Variants in GALNT13 observed in about 807,000 individuals in gnomAD.
GALNT13 encodes UDP-GalNAc:polypeptide N-acetylgalactosaminyltransferase 13.
GALNT13 carries 28 observed loss-of-function variants against 64.2 expected under a neutral mutation model. The ratio of observed to expected loss-of-function variants is 0.44; its 90% CI spans 0.32 to 0.60. The LOEUF is 0.60. GALNT13 is among the 20% of genes least tolerant of loss of function. The pLI is 0.05. For synonymous variants in GALNT13, 214 were observed against 224.6 expected (o/e 0.95, Z 0.42); for missense variants, 577 against 669.8 (o/e 0.86, Z 1.53).
chr2:153,907,211 A>ATGGTAG (rs933276564), intron 2 of GALNT13, among the ~76,000 whole-genome samples: 21 of 151,610 alleles, frequency 1.4e-4, no homozygotes, highest in African/African-American at 4.9e-4. Context: ...TTTCACTCTG[A>ATGGTAG]TGGTAGTTTC....
chr2:154,105,301 C>T (rs1046246371), intron 3 of GALNT13, among the ~76,000 whole-genome samples: 1 of 152,084 alleles, frequency 6.6e-6, no homozygotes, highest in Non-Finnish European at 1.5e-5. Context: ...TGAAAATAGT[C>T]ATGTACCACA....
At chr2:154,435,380 C>T (rs752979753) in intron 11 of GALNT13, among the ~76,000 whole-genome samples, 8 of 152,222 alleles carry the variant, frequency 5.3e-5, no homozygotes, top group Non-Finnish European at 7.4e-5. Context: ...AAGGTTTCAA[C>T]CACAGCAAGG....
intron 2 of GALNT13, among the ~76,000 whole-genome samples, chr2:153,941,217 A>G (rs1487751482): frequency 6.6e-6 from 1 of 152,192 alleles, no homozygotes; most frequent in East Asian, 1.9e-4. Flanking sequence ...GCTGGTCTTG[A>G]ACTTCTGACC....
intron 4 of GALNT13, among the ~76,000 whole-genome samples, chr2:154,179,854 G>T (rs1236334516): frequency 6.6e-6 from 1 of 151,438 alleles, no homozygotes; most frequent in Admixed American, 6.6e-5. Flanking sequence ...ATCTTAAAAG[G>T]AGTGTTTTCA....
chr2:154,147,686 A>G (rs1301205131), intron 4 of GALNT13, among the ~76,000 whole-genome samples: 1 of 151,928 alleles, frequency 6.6e-6, no homozygotes, highest in East Asian at 1.9e-4. Context: ...CATATATTCA[A>G]GTTTACCAAA....
intron 4 of GALNT13, among the ~76,000 whole-genome samples, chr2:154,213,351 A>T (rs1191866373): frequency 6.6e-6 from 1 of 152,150 alleles, no homozygotes; most frequent in Non-Finnish European, 1.5e-5. Context: ...AATTGCTGGG[A>T]TTACAAGTAT....
chr2:154,256,198 T>G (rs766650742), intron 7 of GALNT13, among the ~76,000 whole-genome samples: 4 of 152,032 alleles, frequency 2.6e-5, no homozygotes, highest in African/African-American at 9.7e-5. Flanking sequence ...TTTCCCAGTG[T>G]CTTAATAGCA....
the GALNT13 span, among the ~76,000 whole-genome samples, chr2:153,763,146 C>T: frequency 2.0e-5 from 3 of 152,064 alleles, no homozygotes; most frequent in South Asian, 4.1e-4. Context: ...AACTATCATA[C>T]TGAGATAAAA....
chr2:154,066,152 A>C (rs1475209572), intron 3 of GALNT13, among the ~76,000 whole-genome samples: 1 of 152,204 alleles, frequency 6.6e-6, no homozygotes, highest in Non-Finnish European at 1.5e-5. Flanking sequence ...GCTTGAAGGC[A>C]GGCTATTTGA....
At chr2:153,391,884 C>T in the GALNT13 span, among the ~76,000 whole-genome samples, 2 of 151,134 alleles carry the variant, frequency 1.3e-5, no homozygotes, top group Non-Finnish European at 3.0e-5. Flanking sequence ...TTTAAAGCCA[C>T]ATGCCGTCCA....
At chr2:154,434,513 C>A (rs548950947) in intron 11 of GALNT13, among the ~76,000 whole-genome samples, 1 of 152,108 alleles carries the variant, frequency 6.6e-6, no homozygotes, top group African/African-American at 2.4e-5. Context: ...TGCGCCTGGG[C>A]CTCCCAAACT....
chr2:154,241,176 TGGGGGTGGTGGAGC>T (rs1311232239), intron 4 of GALNT13, among the ~76,000 whole-genome samples: 3 of 152,196 alleles, frequency 2.0e-5, no homozygotes, highest in African/African-American at 7.2e-5. Flanking sequence ...TTCTAGAGTC[TGGGGGTGGTGGAGC>T]GGGGGTGGTT....
intron 2 of GALNT13, among the ~76,000 whole-genome samples, chr2:153,908,370 T>G (rs1852637): frequency 0.77 from 117,688 of 152,018 alleles, 45,980 homozygotes; most frequent in East Asian, 0.96. Context: ...AGTTTCTTTT[T>G]CTGCACAGAA....
chr2:153,814,989 A>T, the GALNT13 span, among the ~76,000 whole-genome samples: 1 of 152,078 alleles, frequency 6.6e-6, no homozygotes, highest in African/African-American at 2.4e-5. Flanking sequence ...CTACAATTCA[A>T]CCCCCTGTAA....
the GALNT13 span, among the ~76,000 whole-genome samples, chr2:153,492,680 A>C: frequency 6.6e-6 from 1 of 152,316 alleles, no homozygotes; most frequent in South Asian, 2.1e-4. Context: ...AAAACTAAAA[A>C]ATAAGTGGCA....
At chr2:153,240,581 G>C in the GALNT13 span, among the ~76,000 whole-genome samples, 1 of 152,260 alleles carries the variant, frequency 6.6e-6, no homozygotes, top group East Asian at 1.9e-4. Flanking sequence ...AACCCAATGT[G>C]CATGGATTTA....
At chr2:153,354,514 A>G in the GALNT13 span, among the ~76,000 whole-genome samples, 32 of 152,228 alleles carry the variant, frequency 2.1e-4, no homozygotes, top group African/African-American at 7.5e-4. Flanking sequence ...TAAGATAACA[A>G]CAAGGCTCTA....
At chr2:153,576,667 A>G in the GALNT13 span, among the ~76,000 whole-genome samples, 4 of 152,126 alleles carry the variant, frequency 2.6e-5, no homozygotes, top group African/African-American at 4.8e-5. Context: ...CTTTTTCTCT[A>G]TCTTTTCAGT....
chr2:154,268,042 T>A (rs985648713), intron 8 of GALNT13, among the ~76,000 whole-genome samples: 4 of 152,210 alleles, frequency 2.6e-5, no homozygotes, highest in African/African-American at 9.6e-5. Flanking sequence ...AATGGTACAC[T>A]AAACTCCAAA....
Sources: allele counts gnomAD v4.1 joint callset (sites outside exome capture counted in the v4.1 genomes callset), GRCh38; gene constraint gnomAD v4.1.1; transcripts MANE v1.5; gene names NCBI Gene and HGNC (gene_info 2026-07-23, HGNC 2026-07-21).